The following NEB variants were observed in gnomAD, a reference collection of about 807,000 sequenced individuals.
The protein encoded by NEB is nemaline myopathy type 2.
A neutral mutation model predicts 952.2 loss-of-function variants in NEB; 512 were observed. The ratio of observed to expected loss-of-function variants is 0.54; its 90% CI spans 0.50 to 0.58. The LOEUF (loss-of-function observed/expected upper bound fraction) is 0.58. NEB is among the 20% of genes least tolerant of loss of function. The pLI is 0.00. For missense variants in NEB, 8,428 were observed against 9,231.1 expected, an observed-to-expected ratio of 0.91 and a Z score of 3.56; for synonymous variants, 2,900 against 3,149.8, an observed-to-expected ratio of 0.92 and a Z score of 2.66.
chr2:151,713,684 T>C (rs2099751539), intron 10 of NEB, among the ~76,000 whole-genome samples: 1 of 152,140 alleles, frequency 6.6e-6, no homozygotes, highest in Non-Finnish European at 1.5e-5. Context: ...AGGGCCCCAC[T>C]TTCAGCTGGT....
intron 138 of NEB, 126 bp from the exon 139 acceptor site, chr2:151,538,370 A>T: frequency 1.5e-6 from 1 of 678,242 alleles, no homozygotes; most frequent in South Asian, 1.9e-5. Context: ...AAAATTTAAA[A>T]GCTTATTTCA....
At chr2:151,721,339 C>T (rs1028841966) in intron 9 of NEB, among the ~76,000 whole-genome samples, 2 of 152,152 alleles carry the variant, frequency 1.3e-5, no homozygotes, top group African/African-American at 4.8e-5. Flanking sequence ...GTCTGCCTTT[C>T]AAGGTCCTGC....
chr2:151,612,724 G>C (rs1046170779), intron 77 of NEB, among the ~76,000 whole-genome samples: 3 of 152,222 alleles, frequency 2.0e-5, no homozygotes, highest in Non-Finnish European at 4.4e-5. Flanking sequence ...TATGGAAACT[G>C]TACTGGGTGA....
Position 151,677,952 on chromosome 2 carries a change from GA to G in NEB, c.3490del (p.Ser1164LeufsTer20). The G allele has an allele frequency of 6.2e-7, 1 of 1,613,966 alleles. No homozygotes were observed. Among genetic ancestry groups the G allele is most frequent in the Non-Finnish European group, 8.5e-7 (1 of 1,179,858 alleles). The stretch of plus-strand genomic sequence containing the variant: ...AGGCAAGTAGGTGTAATGATGGAGA[GA>G]ATGCTTATAGTTGACATTGCTGACC... The part of the protein sequence containing the change: ...DVVSNVNYKH[S>X]LHHYTYLPDA... On this transcript the variant is annotated frameshift_variant, in exon 33 of 182. Coordinates refer to ENST00000397345, the MANE Select transcript of NEB (RefSeq NM_001164508.2). LOFTEE classifies it high-confidence loss of function.
chr2:151,689,256 G>A (rs2099527433), intron 24 of NEB: 1 of 128,036 alleles, frequency 7.8e-6, no homozygotes, highest in Non-Finnish European at 1.6e-5. Context: ...CCAGGCTGGA[G>A]TACAGTGACA....
chr2:151,553,449 C>G lies in NEB; in HGVS notation c.19680G>C (p.Trp6560Cys). The change falls in exon 127 of 182, where the codon TGG becomes TGC. Residue 6560 changes from tryptophan to cysteine, a missense_variant. Trp to Cys is a radical substitution (Grantham distance 215, BLOSUM62 -2). Transcript: ENST00000397345. ...TGGCATGGAGGATTTCAGGAGTGTC[C>G]CAGACGTAGCAACCAATGCCTTTCA... ...NWLKGIGCYV[W>C]DTPEILHAKH... The G allele has an allele frequency of 6.2e-7, 1 of 1,613,750 alleles. No homozygotes were observed. Among genetic ancestry groups the G allele is most frequent in the Non-Finnish European group, 8.5e-7 (1 of 1,179,740 alleles).
rs2096448727 is a variant in NEB, at chr2:151,567,287, T to G, written c.18037A>C (p.Lys6013Gln). 6.2e-7 allele frequency: 1 copy of G among 1,613,964 alleles called. No individual in the cohort carries two copies. Among genetic ancestry groups the G allele is most frequent in the Admixed American group, 1.7e-5 (1 of 60,006 alleles). Reference sequence around the variant, plus strand: ...TCACTGACAAGGGTCTGCCCCTGCTTGGCGGCCAAGACTGACACCATATCA... The same window carrying G: ...TCACTGACAAGGGTCTGCCCCTGCTGGGCGGCCAAGACTGACACCATATCA... The part of the protein sequence containing the change: ...PADMVSVLAA[K>Q]QGQTLVSDID... The change falls in exon 114 of 182, where the codon AAG becomes CAG. Residue 6013 changes from lysine (K) to glutamine (Q), a missense_variant. By Grantham distance (53) the Lys-to-Gln change is moderately conservative. Around this residue, in one of 11 missense-constraint regions of NEB, gnomAD observed 3,374 missense variants for 3,651.5 expected, o/e 0.92. Coordinates refer to ENST00000397345, the MANE Select transcript of NEB (RefSeq NM_001164508.2).
Position 151,485,724 on chromosome 2 carries a change from G to GT in NEB, c.*35dup, listed in dbSNP as rs376501860. On this transcript the variant is annotated 3_prime_UTR_variant, in exon 182 of 182. Transcript: ENST00000397345. ...AACCGAAACATTGACTGCAGGATCT[G>GT]TAAGTCCTGCAGACAAGTGTGATGC... is the stretch of plus-strand genomic sequence containing the variant. The GT allele has an allele frequency of 3.5e-5, 55 of 1,564,374 alleles. 1 individual carries two copies. Among genetic ancestry groups the GT allele is most frequent in the African/African-American group, 2.7e-4 (20 of 74,152 alleles).
intron 181 of NEB, among the ~76,000 whole-genome samples, chr2:151,487,968 C>G (rs143707816): frequency 3.7e-4 from 56 of 152,138 alleles, no homozygotes; most frequent in African/African-American, 1.3e-3. Flanking sequence ...ATATTTGATT[C>G]AATTTGATAC....
intron 46 of NEB, among the ~76,000 whole-genome samples, 164 bp from the exon 47 acceptor site, chr2:151,659,333 G>C (rs2099120882): frequency 6.6e-6 from 1 of 152,022 alleles, no homozygotes. Context: ...GTCTTGCGCT[G>C]TCACCCAGGC....
chr2:151,666,873 T>C (rs967009155), intron 40 of NEB, among the ~76,000 whole-genome samples: 5 of 152,084 alleles, frequency 3.3e-5, no homozygotes, highest in African/African-American at 9.7e-5. Flanking sequence ...ATGTATGCTT[T>C]TTTATGACTA....
At chr2:151,669,155 C>A in intron 38 of NEB, 24 bp from the exon 39 acceptor site, 1 of 1,417,124 alleles carries the variant, frequency 7.1e-7, no homozygotes, top group Non-Finnish European at 9.8e-7. Context: ...AGACAGCATG[C>A]ACATATCATT....
Position 151,682,733 on chromosome 2 carries a change from C to G in NEB, c.2872G>C (p.Gly958Arg). Residue 958 changes from glycine (G) to arginine (R), a missense_variant, in exon 29 of 182, where the codon GGT becomes CGT. Physicochemically the swap from Gly to Arg is moderately radical, Grantham distance 125 (BLOSUM62 -2). Around this residue, in one of 11 missense-constraint regions of NEB, gnomAD observed 2,851 missense variants for 2,791.5 expected, o/e 1.02. Coordinates refer to ENST00000397345, the MANE Select transcript of NEB (RefSeq NM_001164508.2). ...YKADYNSWMK[G>R]CGWVPFGSLE... ...GACCCAAAAGGCACCCAGCCACAAC[C>G]TTTCATCCAGCTATTGTAGTCAGCT... 6.2e-7 allele frequency: 1 copy of G among 1,613,420 alleles called. No homozygotes were observed. The highest frequency in any genetic ancestry group is 8.5e-7 in the Non-Finnish European group (1 of 1,179,572).
chr2:151,552,464 C>T (rs1369512100), intron 128 of NEB, among the ~76,000 whole-genome samples: 2 of 152,218 alleles, frequency 1.3e-5, no homozygotes, highest in Non-Finnish European at 2.9e-5. Context: ...ACTCGCATCA[C>T]CTACAACTCC....
intron 45 of NEB, among the ~76,000 whole-genome samples, chr2:151,663,050 TTC>T (rs2099165549): frequency 6.6e-6 from 1 of 152,204 alleles, no homozygotes; most frequent in South Asian, 2.1e-4. Flanking sequence ...GCTCTATTCT[TTC>T]TCTGTCTTCC....
intron 167 of NEB, among the ~76,000 whole-genome samples, chr2:151,502,296 C>T (rs2065236115): frequency 6.6e-6 from 1 of 151,578 alleles, no homozygotes; most frequent in South Asian, 2.1e-4. Flanking sequence ...ATGGGTGCAC[C>T]AAAATCTCAC....
Position 151,644,452 on chromosome 2 carries a change from G to T in NEB, c.7644+16C>A. The stretch of plus-strand genomic sequence containing the variant: ...AATTGCAATCAAATCAATATCAACA[G>T]AGGATAAAATCTTACTTCACTGGCA... On this transcript the variant is annotated intron_variant, in intron 56 of 181. Transcript: ENST00000397345. 6.3e-7 allele frequency: 1 copy of T among 1,588,168 alleles called. No homozygotes were observed.
In NEB at chr2:151,658,000, T is replaced by C. The variant is rs115350357; in HGVS notation, c.6166A>G (p.Arg2056Gly). The change falls in exon 48 of 182, where the codon AGA becomes GGA. Residue 2056 changes from arginine to glycine, a missense_variant. Physicochemically the swap from Arg to Gly is moderately radical, Grantham distance 125. This residue lies in a region of NEB where 2,851 missense variants were observed against 2,791.5 expected (regional missense o/e 1.02). Transcript: ENST00000397345. The stretch of plus-strand genomic sequence containing the variant: ...GGACTTACATCACTTGCAATATCTC[T>C]GGAAGCCTTGGCAGCTTTGATAGGA... ...AIPIKAAKAS[R>G]DIASDYKYKY... The C allele has an allele frequency of 6.5e-4, 1,039 of 1,607,390 alleles. 3 individuals carry two copies. The African/African-American group carries it at 0.012, about 18-fold the overall frequency.
intron 157 of NEB, among the ~76,000 whole-genome samples, chr2:151,515,744 A>G (rs748045252): frequency 1.3e-5 from 2 of 152,238 alleles, no homozygotes; most frequent in Non-Finnish European, 2.9e-5. Context: ...AGAAACTCCT[A>G]TAGATCCTTT....
Sources: gnomAD v4.1 joint callset for allele counts (sites outside exome capture counted in the v4.1 genomes callset) on GRCh38, gnomAD v4.1.1 for gene constraint, gnomAD v4.1.1 regional missense constraint, MANE v1.5 for transcripts, NCBI Gene and HGNC (gene_info 2026-07-23, HGNC 2026-07-21) for gene names.